The following MECOM variants were observed in gnomAD, a reference collection of about 807,000 sequenced individuals.
The protein encoded by MECOM is MDS1 and EVI1 complex locus, also known as histone-lysine N-methyltransferase MECOM.
Under a neutral mutation model 116.3 loss-of-function variants are expected in MECOM, and 13 were observed. That is an observed-to-expected ratio of 0.11 (90% CI 0.07 to 0.18). The LOEUF (loss-of-function observed/expected upper bound fraction) is 0.18, where lower values mean the gene tolerates loss of function less well. Among genes scored for constraint, MECOM ranks in the 10% least tolerant of loss-of-function variants. MECOM has a pLI of 1.00. For missense variants in MECOM, 1,299 were observed against 1,509.0 expected (o/e 0.86, Z 2.31); for synonymous variants, 528 against 535.2 (o/e 0.99, Z 0.19).
intron 2 of MECOM, among the ~76,000 whole-genome samples, chr3:169,276,691 T>G (rs1184326736): frequency 6.6e-6 from 1 of 152,188 alleles, no homozygotes; most frequent in African/African-American, 2.4e-5. Context: ...ATCTTCTTTA[T>G]GCCTTTGCAA....
chr3:169,411,435 A>G (rs945715625), intron 1 of MECOM, among the ~76,000 whole-genome samples: 2 of 152,224 alleles, frequency 1.3e-5, no homozygotes, highest in African/African-American at 4.8e-5. Context: ...ACATCAGTAT[A>G]TCATGGACTC....
intron 2 of MECOM, among the ~76,000 whole-genome samples, chr3:169,375,397 TTAAA>T (rs771329444): frequency 1.9e-5 from 1 of 52,740 alleles, no homozygotes; most frequent in African/African-American, 1.4e-4. Flanking sequence ...GAGCTGTTTT[TTAAA>T]AAAAAAATTG....
Position 169,301,120 on chromosome 3 carries a change from C to T in MECOM, c.375+80067G>A, listed in dbSNP as rs922914273. ...ATGTGGAATTAATTAAATATCGGCG[C>T]GATTCTGTTAGATAATAACATATCT... On this transcript the variant is annotated intron_variant, in intron 2 of 16. Coordinates refer to ENST00000651503, the MANE Select transcript of MECOM (RefSeq NM_004991.4). 7.9e-5 allele frequency among the ~76,000 whole-genome samples: 12 copies of T among 152,260 alleles called. No individual in the cohort carries two copies. The East Asian group carries it at 1.3e-3, about 17-fold the overall frequency.
At chr3:169,614,050 T>A (rs116633360) in intron 1 of MECOM, among the ~76,000 whole-genome samples, 1,668 of 152,174 alleles carry the variant, frequency 0.011, 32 homozygotes, top group African/African-American at 0.038. Context: ...CATTTCACCA[T>A]AAGATTCTTC....
chr3:169,448,439 T>C (rs760569234), intron 1 of MECOM, among the ~76,000 whole-genome samples: 32 of 152,216 alleles, frequency 2.1e-4, no homozygotes, highest in Non-Finnish European at 3.8e-4. Context: ...AGTAAAATGA[T>C]GTTCAGAGTA....
intron 1 of MECOM, among the ~76,000 whole-genome samples, chr3:169,448,870 G>A (rs1395870653): frequency 6.6e-6 from 1 of 152,044 alleles, no homozygotes; most frequent in Non-Finnish European, 1.5e-5. Context: ...ATTATAAGGA[G>A]GTAATGTCAC....
At chr3:169,607,942 C>G (rs1047995014) in intron 1 of MECOM, among the ~76,000 whole-genome samples, 3 of 152,210 alleles carry the variant, frequency 2.0e-5, no homozygotes, top group Non-Finnish European at 4.4e-5. Flanking sequence ...TGGCAAATCT[C>G]CATTCTTTTC....
At position 169,102,099 on chromosome 3, in the gene MECOM, T is replaced by C; in HGVS notation, c.2732A>G (p.Glu911Gly). The part of the protein sequence containing the change: ...NFRAPPNALP[E>G]NLLRKGKERY... ...CTCCTTTCCCTTCCGCAGAAGGTTC[T>C]CTGGCAGGGCATTGGGAGGCGCCCT... Residue 911 changes from glutamate to glycine, a missense_variant, in exon 11 of 17, where the codon GAG (glutamate) becomes GGG (glycine). Glu to Gly is a moderately conservative substitution (Grantham distance 98). Transcript: ENST00000651503. The C allele has an allele frequency of 1.2e-6, 2 of 1,613,758 alleles. No individual in the cohort carries two copies. Among genetic ancestry groups the C allele is most frequent in the Non-Finnish European group, 1.7e-6 (2 of 1,179,848 alleles).
intron 2 of MECOM, among the ~76,000 whole-genome samples, chr3:169,283,238 C>T (rs1224881087): frequency 2.0e-5 from 3 of 152,212 alleles, no homozygotes; most frequent in Admixed American, 6.5e-5. Context: ...CATGGTGGCT[C>T]ATGCCTGTAA....
chr3:169,242,109 T>G (rs80007910), intron 2 of MECOM, among the ~76,000 whole-genome samples: 3,725 of 152,314 alleles, frequency 0.024, 176 homozygotes, highest in African/African-American at 0.086. Flanking sequence ...TAGATTTCTT[T>G]TAAAGGCACT....
intron 3 of MECOM, among the ~76,000 whole-genome samples, chr3:169,135,029 T>C (rs1443128372): frequency 6.6e-6 from 1 of 151,372 alleles, no homozygotes; most frequent in Non-Finnish European, 1.5e-5. Flanking sequence ...ATAATAAGTA[T>C]GTTTGACCAT....
At chr3:169,137,986 A>ATG (rs1736883782) in intron 3 of MECOM, among the ~76,000 whole-genome samples, 1 of 152,078 alleles carries the variant, frequency 6.6e-6, no homozygotes, top group African/African-American at 2.4e-5. Flanking sequence ...GACTGTATAA[A>ATG]AACTGATGTT....
intron 2 of MECOM, among the ~76,000 whole-genome samples, chr3:169,254,843 A>G (rs1391243240): frequency 1.3e-5 from 2 of 152,080 alleles, no homozygotes; most frequent in African/African-American, 4.8e-5. Context: ...AATGGTACAA[A>G]CAGAAGGGCA....
intron 2 of MECOM, among the ~76,000 whole-genome samples, chr3:169,315,433 C>T (rs1719564800): frequency 6.6e-6 from 1 of 152,284 alleles, no homozygotes; most frequent in South Asian, 2.1e-4. Context: ...CAGACCGAGA[C>T]CTTTTCTAGA....
At chr3:169,485,873 ATGTATATATATG>A (rs1752089137) in intron 1 of MECOM, among the ~76,000 whole-genome samples, 1 of 86,742 alleles carries the variant, frequency 1.2e-5, no homozygotes, top group Non-Finnish European at 2.4e-5. Context: ...TATAGTATAT[ATGTATATATATG>A]TATATATAGT....
intron 1 of MECOM, among the ~76,000 whole-genome samples, chr3:169,410,284 A>G (rs1737337935): frequency 6.6e-6 from 1 of 152,216 alleles, no homozygotes; most frequent in South Asian, 2.1e-4. Context: ...AACTTTGTGG[A>G]GAAAAGACTG....
At chr3:169,601,584 C>G (rs1157938761) in intron 1 of MECOM, among the ~76,000 whole-genome samples, 1 of 152,216 alleles carries the variant, frequency 6.6e-6, no homozygotes, top group East Asian at 1.9e-4. Context: ...AACTCTCTCA[C>G]CATGCATGGC....
chr3:169,639,159 A>G (rs1476568700), intron 1 of MECOM, among the ~76,000 whole-genome samples: 1 of 152,154 alleles, frequency 6.6e-6, no homozygotes, highest in East Asian at 1.9e-4. Context: ...ATTAATCCAG[A>G]GAGAAGTTGG....
At chr3:169,102,876 TGAC>T (rs1724069124) in intron 10 of MECOM, among the ~76,000 whole-genome samples, 1 of 151,978 alleles carries the variant, frequency 6.6e-6, no homozygotes, top group African/African-American at 2.4e-5. Flanking sequence ...TAAGTTGAAA[TGAC>T]AGTTCATCAT....
Sources: allele counts gnomAD v4.1 joint callset (sites outside exome capture counted in the v4.1 genomes callset), GRCh38; gene constraint gnomAD v4.1.1; transcripts MANE v1.5; gene names NCBI Gene and HGNC (gene_info 2026-07-23, HGNC 2026-07-21).